CMPK1: variants seen among roughly 807,000 people sequenced by gnomAD.
CMPK1 encodes the protein UMP-CMP kinase.
A neutral mutation model predicts 25.7 loss-of-function variants in CMPK1; 10 were observed. That is an observed-to-expected ratio of 0.39 (90% CI 0.24 to 0.66). The LOEUF is 0.66. Ranked by LOEUF, CMPK1 falls within the 30% of genes least tolerant of loss-of-function variation. The probability of loss-of-function intolerance (pLI) is 0.48; values close to 1 mark genes in which losing one functional copy is unlikely to be tolerated. For synonymous variants in CMPK1, 106 were observed against 101.5 expected (o/e 1.04, Z -0.27); for missense variants, 199 against 280.5 (o/e 0.71, Z 2.08).
At position 47,373,100 on chromosome 1, in the gene CMPK1, A is replaced by G. The variant is rs1285303122; in HGVS notation, c.464A>G (p.Asn155Ser). The change falls in exon 3 of 6, where the codon AAT becomes AGT. Residue 155 changes from asparagine (N) to serine (S), a missense_variant. Physicochemically the swap from Asn to Ser is conservative, Grantham distance 46 (BLOSUM62 1). Around this residue, in one of 2 missense-constraint regions of CMPK1, gnomAD observed 140 missense variants for 235.5 expected, o/e 0.59. Coordinates refer to ENST00000371873, the MANE Select transcript of CMPK1 (RefSeq NM_016308.3). ...DVSFVLFFDCNNEICIERCLE... is the reference protein window; with the variant it reads ...DVSFVLFFDCSNEICIERCLE... ...TCTTTCGTTCTCTTTTTTGACTGTA[A>G]TAATGAGGTAATGAAAATCTTCATC... 2 of 1,605,540 alleles carry G rather than the reference A, an allele frequency of 1.2e-6. No individual in the cohort carries two copies. The highest frequency in any genetic ancestry group is 1.1e-5 in the South Asian group (1 of 88,982).
chr1:47,373,649 A>G (rs1446204315), intron 3 of CMPK1, among the ~76,000 whole-genome samples: 2 of 152,176 alleles, frequency 1.3e-5, no homozygotes, highest in Non-Finnish European at 1.5e-5. Flanking sequence ...TACAAAAATT[A>G]GCCTGGCATG....
chr1:47,333,857 C>A lies in CMPK1; in HGVS notation c.-89C>A. On this transcript the variant is annotated 5_prime_UTR_variant, in exon 1 of 6. Transcript: ENST00000371873. ...GGGGCCGCGGCGGGCGCCGGCTCAGCCCGCCCCTTTCTCCCGCCGCCTCCC... is the reference window on the plus strand; with the variant it reads ...GGGGCCGCGGCGGGCGCCGGCTCAGACCGCCCCTTTCTCCCGCCGCCTCCC... 1.1e-6 allele frequency: 1 copy of A among 946,016 alleles called. No homozygotes were observed. Among genetic ancestry groups the A allele is most frequent in the Non-Finnish European group, 1.3e-6 (1 of 774,212 alleles). 58.6% of individuals were successfully genotyped at this position (946,016 alleles called of 1,614,324 possible). A position where few individuals can be genotyped will look rare whatever the true frequency, so the allele number is the denominator to read the frequency against.
chr1:47,373,291 C>A, intron 3 of CMPK1, 184 bp downstream of exon 3: 1 of 407,132 alleles, frequency 2.5e-6, no homozygotes, highest in Non-Finnish European at 4.2e-6. Context: ...GCATTAGCAG[C>A]CTTGTGGAGC....
Position 47,377,204 on chromosome 1 carries a change from G to T in CMPK1, c.*459G>T, listed in dbSNP as rs553507540. ...TTTGTGTAGTCAGTTCTTGCACAAT[G>T]TGTTTGGTAAACAAACTCAAAATGG... On this transcript the variant is annotated 3_prime_UTR_variant, in exon 6 of 6. Transcript: ENST00000371873. 6.5e-6 allele frequency: 1 copy of T among 152,900 alleles called. No individual in the cohort carries two copies. The highest frequency in any genetic ancestry group is 2.4e-5 in the African/African-American group (1 of 41,586). The allele number at this position is 152,900 out of a possible 1,614,324, so 9.5% of individuals were successfully genotyped here.
intron 1 of CMPK1, among the ~76,000 whole-genome samples, chr1:47,335,482 C>A (rs1394182641): frequency 6.6e-6 from 1 of 151,820 alleles, no homozygotes; most frequent in African/African-American, 2.4e-5. Context: ...ACTAAAAATA[C>A]AAAAATTAGC....
At chr1:47,353,329 A>G (rs1570363276) in intron 1 of CMPK1, among the ~76,000 whole-genome samples, 5 of 152,208 alleles carry the variant, frequency 3.3e-5, no homozygotes, top group Non-Finnish European at 7.3e-5. Flanking sequence ...TTTCTAGGCT[A>G]TAAAACTGGA....
chr1:47,361,871 CTTTTTT>C (rs34928345), intron 1 of CMPK1, among the ~76,000 whole-genome samples: 60 of 125,912 alleles, frequency 4.8e-4, no homozygotes, highest in Admixed American at 2.0e-3. Flanking sequence ...AAATACTACT[CTTTTTT>C]TTTTTTTTTT....
chr1:47,350,635 C>G (rs947327475), intron 1 of CMPK1, among the ~76,000 whole-genome samples: 1 of 152,062 alleles, frequency 6.6e-6, no homozygotes, highest in African/African-American at 2.4e-5. Flanking sequence ...TGGCTTATGC[C>G]CGTAATCCCA....
chr1:47,356,916 C>T (rs1043155222), intron 1 of CMPK1, among the ~76,000 whole-genome samples: 5 of 150,606 alleles, frequency 3.3e-5, no homozygotes, highest in African/African-American at 7.3e-5. Flanking sequence ...ATGCCTTCAT[C>T]TCCCAAAGTG....
chr1:47,367,067 G>T (rs1646644509), intron 1 of CMPK1, among the ~76,000 whole-genome samples: 1 of 151,910 alleles, frequency 6.6e-6, no homozygotes, highest in Non-Finnish European at 1.5e-5. Context: ...TAGAGATGAG[G>T]TCTGTGTTGC....
At position 47,377,057 on chromosome 1, in the gene CMPK1, C is replaced by A; in HGVS notation, c.*312C>A. The A allele has an allele frequency of 5.0e-6, 1 of 200,294 alleles. No homozygotes were observed. The highest frequency in any genetic ancestry group is 1.0e-5 in the Non-Finnish European group (1 of 99,498). 12.4% of individuals were successfully genotyped at this position (200,294 alleles called of 1,614,324 possible). On this transcript the variant is annotated 3_prime_UTR_variant, in exon 6 of 6. Coordinates refer to ENST00000371873, the MANE Select transcript of CMPK1 (RefSeq NM_016308.3). The stretch of plus-strand genomic sequence containing the variant: ...TCTGTGAGCAAAACTTTTTAGTACG[C>A]GTATATATCCCTCTAGTAATCACAA...
intron 1 of CMPK1, among the ~76,000 whole-genome samples, chr1:47,350,202 G>A (rs1646513174): frequency 6.6e-6 from 1 of 151,802 alleles, no homozygotes; most frequent in Non-Finnish European, 1.5e-5. Flanking sequence ...GCCTCCCAAA[G>A]TGCTGGAATT....
chr1:47,342,675 G>C (rs1646450154), intron 1 of CMPK1, among the ~76,000 whole-genome samples: 1 of 131,914 alleles, frequency 7.6e-6, no homozygotes, highest in Non-Finnish European at 1.6e-5. Context: ...TTTGAGACAG[G>C]GTCTCACTCT....
intron 1 of CMPK1, among the ~76,000 whole-genome samples, chr1:47,349,091 G>C (rs1646504130): frequency 6.6e-6 from 1 of 152,186 alleles, no homozygotes. Flanking sequence ...CTGAATCAAG[G>C]TGGGTCAAAT....
At chr1:47,361,589 C>A (rs1646602303) in intron 1 of CMPK1, among the ~76,000 whole-genome samples, 1 of 152,056 alleles carries the variant, frequency 6.6e-6, no homozygotes, top group South Asian at 2.1e-4. Flanking sequence ...GGTTGTAAAT[C>A]AGAGTTAGGA....
chr1:47,356,361 CTATT>C (rs1646560600), intron 1 of CMPK1, among the ~76,000 whole-genome samples: 1 of 151,870 alleles, frequency 6.6e-6, no homozygotes, highest in Non-Finnish European at 1.5e-5. Flanking sequence ...TTTCATTGTT[CTATT>C]TGTCTATTTT....
intron 1 of CMPK1, among the ~76,000 whole-genome samples, chr1:47,357,825 C>T (rs1034696474): frequency 1.3e-5 from 2 of 151,928 alleles, no homozygotes; most frequent in African/African-American, 2.4e-5. Flanking sequence ...AAGCAGAAAT[C>T]CATTCTTGAG....
chr1:47,373,076 C>G lies in CMPK1; in HGVS notation c.440C>G (p.Ser147Cys). The G allele has an allele frequency of 6.2e-7, 1 of 1,608,272 alleles. No homozygotes were observed. The highest frequency in any genetic ancestry group is 8.5e-7 in the Non-Finnish European group (1 of 1,176,824). The change falls in exon 3 of 6, where the codon TCT (serine) becomes TGT (cysteine). Residue 147 changes from serine to cysteine, a missense_variant. Physicochemically the swap from Ser to Cys is moderately radical, Grantham distance 112. This residue lies in a region of CMPK1 where 140 missense variants were observed against 235.5 expected (regional missense o/e 0.59). Coordinates refer to ENST00000371873, the MANE Select transcript of CMPK1 (RefSeq NM_016308.3). The stretch of plus-strand genomic sequence containing the variant: ...ACCATGGATGGGAAGGCAGATGTAT[C>G]TTTCGTTCTCTTTTTTGACTGTAAT... ...NKTMDGKADVSFVLFFDCNNE... is the reference protein window; with the variant it reads ...NKTMDGKADVCFVLFFDCNNE...
chr1:47,350,738 C>CA (rs943812361), intron 1 of CMPK1, among the ~76,000 whole-genome samples: 6 of 151,188 alleles, frequency 4.0e-5, no homozygotes, highest in Non-Finnish European at 8.8e-5. Flanking sequence ...ACTAAAAATG[C>CA]AAAAAAAGAA....
Sources: gnomAD v4.1 joint callset for allele counts (sites outside exome capture counted in the v4.1 genomes callset) on GRCh38, gnomAD v4.1.1 for gene constraint, gnomAD v4.1.1 regional missense constraint, MANE v1.5 for transcripts, NCBI Gene and HGNC (gene_info 2026-07-23, HGNC 2026-07-21) for gene names.